Variants in SRPK2 observed in about 807,000 individuals in gnomAD.
SRPK2 encodes the protein SFRS protein kinase 2.
A neutral mutation model predicts 90.8 loss-of-function variants in SRPK2; 21 were observed. The ratio of observed to expected loss-of-function variants is 0.23; its 90% CI spans 0.16 to 0.33. The LOEUF is 0.33. SRPK2 is among the 10% of genes least tolerant of loss of function. SRPK2 has a pLI of 1.00. For missense variants in SRPK2, 620 were observed against 869.0 expected, an observed-to-expected ratio of 0.71 and a Z score of 3.60; for synonymous variants, 288 against 311.1, an observed-to-expected ratio of 0.93 and a Z score of 0.78.
intron 2 of SRPK2, among the ~76,000 whole-genome samples, chr7:105,293,115 T>C (rs995021223): frequency 5.3e-5 from 8 of 152,062 alleles, no homozygotes; most frequent in African/African-American, 1.9e-4. Flanking sequence ...TTGGCAAACA[T>C]GGCGAAACCC....
chr7:105,189,614 A>G (rs1794019014), intron 3 of SRPK2: 1 of 152,398 alleles, frequency 6.6e-6, no homozygotes, highest in African/African-American at 2.4e-5. Context: ...TCCACCAAAA[A>G]TACAAAAATT....
chr7:105,163,716 CAGG>C (rs1362062155), intron 6 of SRPK2, among the ~76,000 whole-genome samples: 4 of 152,146 alleles, frequency 2.6e-5, no homozygotes, highest in African/African-American at 9.7e-5. Context: ...GAGGCTGAGG[CAGG>C]AGAATCTCTT....
intron 7 of SRPK2, among the ~76,000 whole-genome samples, chr7:105,151,728 A>G (rs1479160530): frequency 6.6e-6 from 1 of 151,802 alleles, no homozygotes; most frequent in African/African-American, 2.4e-5. Context: ...GTCACTTATT[A>G]AAGTTCTCTG....
At chr7:105,244,528 C>G (rs1801304341) in intron 2 of SRPK2, 1 of 518,022 alleles carries the variant, frequency 1.9e-6, no homozygotes, top group South Asian at 2.0e-5. Flanking sequence ...GAGCTAAGAT[C>G]GTGCCACTGC....
At chr7:105,254,665 G>GTT (rs145583576) in intron 2 of SRPK2, among the ~76,000 whole-genome samples, 1 of 148,942 alleles carries the variant, frequency 6.7e-6, no homozygotes, top group Admixed American at 6.7e-5. Flanking sequence ...ACATCTGCTT[G>GTT]TTTTTTTTTT....
intron 2 of SRPK2, among the ~76,000 whole-genome samples, chr7:105,376,468 A>C (rs1259034213): frequency 1.3e-5 from 2 of 151,382 alleles, no homozygotes; most frequent in Non-Finnish European, 2.9e-5. Context: ...TTTGCTCCAA[A>C]TACCCCTTTT....
At chr7:105,168,892 AC>A (rs917095501) in intron 4 of SRPK2, among the ~76,000 whole-genome samples, 3 of 152,076 alleles carry the variant, frequency 2.0e-5, no homozygotes, top group African/African-American at 7.2e-5. Flanking sequence ...TGGATGAATT[AC>A]TAGAAAAATA....
intron 2 of SRPK2, among the ~76,000 whole-genome samples, chr7:105,316,287 T>G (rs2131465415): frequency 6.6e-6 from 1 of 152,270 alleles, no homozygotes; most frequent in Non-Finnish European, 1.5e-5. Flanking sequence ...CTTAAAACTG[T>G]GCCTTTTAAC....
intron 2 of SRPK2, among the ~76,000 whole-genome samples, chr7:105,329,563 C>CA (rs982467967): frequency 1.5e-4 from 23 of 149,422 alleles, no homozygotes; most frequent in Non-Finnish European, 2.8e-4. Flanking sequence ...CACCGCACTC[C>CA]AGCCTGGACG....
intron 2 of SRPK2, among the ~76,000 whole-genome samples, chr7:105,326,753 C>T (rs1056817552): frequency 6.6e-6 from 1 of 152,160 alleles, no homozygotes; most frequent in Non-Finnish European, 1.5e-5. Context: ...TACCACATGG[C>T]AAGTGTTTTT....
intron 6 of SRPK2, among the ~76,000 whole-genome samples, chr7:105,163,198 C>A (rs1055332759): frequency 6.6e-6 from 1 of 152,086 alleles, no homozygotes; most frequent in Non-Finnish European, 1.5e-5. Context: ...TAAACTCATA[C>A]TAGTTTGTTA....
chr7:105,244,023 G>A (rs2129626005), intron 2 of SRPK2, among the ~76,000 whole-genome samples: 1 of 152,286 alleles, frequency 6.6e-6, no homozygotes, highest in African/African-American at 2.4e-5. Flanking sequence ...ACATTGAGTG[G>A]GAACTTCTAG....
At chr7:105,350,084 C>T (rs2132044884) in intron 2 of SRPK2, among the ~76,000 whole-genome samples, 1 of 150,268 alleles carries the variant, frequency 6.7e-6, no homozygotes, top group African/African-American at 2.4e-5. Flanking sequence ...AATATATCAC[C>T]TGAATTTTTA....
chr7:105,392,156 T>C (rs531617133), upstream of SRPK2, among the ~76,000 whole-genome samples: 4 of 151,980 alleles, frequency 2.6e-5, no homozygotes, highest in Non-Finnish European at 5.9e-5. Context: ...AATAGGCAAA[T>C]CTACAGAAAG....
upstream of SRPK2, among the ~76,000 whole-genome samples, chr7:105,392,373 A>G (rs942904541): frequency 3.9e-5 from 6 of 152,208 alleles, no homozygotes; most frequent in Non-Finnish European, 7.3e-5. Context: ...TTCAAAACAA[A>G]ACAACAAAGT....
chr7:105,244,714 G>A (rs1438815425), intron 2 of SRPK2: 1 of 1,166,148 alleles, frequency 8.6e-7, no homozygotes, highest in South Asian at 1.3e-5. Context: ...CCAAGAACGT[G>A]AGCGAGCCCA....
intron 1 of SRPK2, 36 bp from the exon 2 acceptor site, chr7:105,388,738 G>T: frequency 2.6e-6 from 4 of 1,555,360 alleles, no homozygotes; most frequent in Non-Finnish European, 3.5e-6. Context: ...CGGTCGGGCC[G>T]CCCGCCCGGG....
At chr7:105,130,424 C>G (rs1280766152) in intron 13 of SRPK2, among the ~76,000 whole-genome samples, 1 of 152,042 alleles carries the variant, frequency 6.6e-6, no homozygotes, top group Non-Finnish European at 1.5e-5. Context: ...GTGGCATGTG[C>G]CTGTAGTCCC....
At chr7:105,230,514 TGATGA>T (rs1198750913) in intron 2 of SRPK2, among the ~76,000 whole-genome samples, 3 of 152,128 alleles carry the variant, frequency 2.0e-5, no homozygotes, top group Non-Finnish European at 4.4e-5. Context: ...CACTTAAGCA[TGATGA>T]AGAAAGAAAG....
Sources: allele counts gnomAD v4.1 joint callset (sites outside exome capture counted in the v4.1 genomes callset), GRCh38; gene constraint gnomAD v4.1.1; transcripts MANE v1.5; gene names NCBI Gene and HGNC (gene_info 2026-07-23, HGNC 2026-07-21).